The following CUL4B variants were observed in gnomAD, a reference collection of about 807,000 sequenced individuals.
CUL4B encodes cullin 4B, also known as cullin-4B.
In CUL4B, 1 loss-of-function variant was observed where a neutral mutation model predicts 69.2. The ratio of observed to expected loss-of-function variants is 0.01; its 90% CI spans 0.01 to 0.07. CUL4B has a LOEUF of 0.07. Among genes scored for constraint, CUL4B ranks in the 10% least tolerant of loss-of-function variants. CUL4B has a pLI of 1.00. For missense variants in CUL4B, 328 were observed against 638.8 expected (o/e 0.51, Z 5.24); for synonymous variants, 237 against 223.2 (o/e 1.06, Z -0.55).
At chrX:120,538,538 T>G (rs1923801777) in intron 13 of CUL4B, 122 bp downstream of exon 13, 1 of 542,738 alleles carries the variant, frequency 1.8e-6, no homozygotes, top group South Asian at 2.7e-5. Context: ...CTTGCTCAAT[T>G]TATGTTTTCA....
At position 120,538,033 on chromosome X, in the gene CUL4B, G is replaced by A. The variant is rs755952239; in HGVS notation, c.1938+91C>T. Reference sequence around the variant, plus strand: ...AGTTGCCATGAATTACAACAAACACGTTTCTATTTATCCTCTTTAGTACAA... The same window carrying A: ...AGTTGCCATGAATTACAACAAACACATTTCTATTTATCCTCTTTAGTACAA... On this transcript the variant is annotated intron_variant, in intron 14 of 19. Transcript: ENST00000371322. The A allele has an allele frequency of 2.5e-5, 16 of 638,565 alleles. No individual in the cohort carries two copies. In the South Asian group the frequency reaches 2.8e-4, roughly 11 times the overall value. The allele number at this position is 638,565 out of a possible 1,213,427, so 52.6% of individuals were successfully genotyped here.
chrX:120,540,261 C>A, intron 11 of CUL4B, 109 bp downstream of exon 11: 1 of 752,417 alleles, frequency 1.3e-6, no homozygotes, highest in Non-Finnish European at 2.0e-6. Context: ...TAAGCAACCT[C>A]AAACAAATCA....
chrX:120,541,317 T>A (rs1471406299), intron 10 of CUL4B, among the ~76,000 whole-genome samples: 2 of 111,845 alleles, frequency 1.8e-5, no homozygotes, highest in Admixed American at 1.9e-4. Flanking sequence ...CTGACCAACA[T>A]GGTGAAACCC....
Position 120,544,613 on chromosome X carries a change from A to G in CUL4B, c.951T>C (p.His317=). The G allele has an allele frequency of 4.1e-6, 5 of 1,209,246 alleles. No individual in the cohort carries two copies. The highest frequency in any genetic ancestry group is 5.6e-6 in the Non-Finnish European group (5 of 893,471). Residue 317 remains histidine, a synonymous_variant, in exon 6 of 20, where the codon CAT becomes CAC. Transcript: ENST00000371322. ...TCTGCACTTTCTGATCACTTATAAT[A>G]TGAGCCCTAAATAACTCCAGTCCCA... ...WDMGLELFRA[H]IISDQKVQNK...
chrX:120,574,240 C>G (rs1438953932), intron 2 of CUL4B, among the ~76,000 whole-genome samples: 1 of 107,848 alleles, frequency 9.3e-6, no homozygotes, highest in African/African-American at 3.4e-5. Flanking sequence ...GAGAGGGAGT[C>G]TCGATCTGTC....
intron 16 of CUL4B, 24 bp from the exon 17 acceptor site, chrX:120,534,610 A>G: frequency 9.7e-7 from 1 of 1,026,479 alleles, no homozygotes; most frequent in Non-Finnish European, 1.4e-6. Context: ...AAAAGTGTTT[A>G]GTCATCACTT....
At chrX:120,563,862 C>T (rs970233761), upstream of CUL4B, among the ~76,000 whole-genome samples, 2 of 112,266 alleles carry the variant, frequency 1.8e-5, no homozygotes, top group African/African-American at 6.5e-5. Context: ...GAGAAAGCTG[C>T]TTTTGCCATA....
chrX:120,558,427 T>C (rs1448201498), intron 1 of CUL4B, among the ~76,000 whole-genome samples: 2 of 112,057 alleles, frequency 1.8e-5, no homozygotes, highest in African/African-American at 3.2e-5. Flanking sequence ...AGGTACTTTA[T>C]AAGCCTCTTA....
intron 16 of CUL4B, among the ~76,000 whole-genome samples, chrX:120,535,188 C>T (rs1470263415): frequency 9.0e-6 from 1 of 110,579 alleles, no homozygotes; most frequent in Non-Finnish European, 1.9e-5. Flanking sequence ...GAGTGGGACC[C>T]TATCTCTAAA....
rs748606537 is a variant in CUL4B at position 120,525,844 on chromosome X, A to T, written c.*917T>A. The T allele has an allele frequency of 8.9e-6, 1 of 112,303 alleles. No homozygotes were observed. Among genetic ancestry groups the T allele is most frequent in the South Asian group, 3.6e-4 (1 of 2,762 alleles). 9.3% of individuals were successfully genotyped at this position (112,303 alleles called of 1,213,427 possible). A position where few individuals can be genotyped will look rare whatever the true frequency, so the allele number is the denominator to read the frequency against. ...AGTTGAAGACAAAACTGTCCAAACAACATTTAAAGTCTAAAGTATGTTGAA... is the reference window on the plus strand; with the variant it reads ...AGTTGAAGACAAAACTGTCCAAACATCATTTAAAGTCTAAAGTATGTTGAA... On this transcript the variant is annotated 3_prime_UTR_variant, in exon 20 of 20. Coordinates refer to ENST00000371322, the MANE Select transcript of CUL4B (RefSeq NM_001079872.2).
intron 4 of CUL4B, among the ~76,000 whole-genome samples, 158 bp from the exon 5 acceptor site, chrX:120,545,675 T>C (rs971419879): frequency 4.5e-5 from 5 of 111,533 alleles, no homozygotes; most frequent in Non-Finnish European, 9.4e-5. Flanking sequence ...AATATGCCCA[T>C]ATAGTTTTTA....
intron 4 of CUL4B, among the ~76,000 whole-genome samples, chrX:120,546,335 C>T (rs752667077): frequency 9.1e-6 from 1 of 109,545 alleles, no homozygotes; most frequent in East Asian, 2.9e-4. Flanking sequence ...AAGGAACTTA[C>T]TCATGTAACC....
Position 120,525,127 on chromosome X carries a change from T to C in CUL4B, c.*1634A>G, listed in dbSNP as rs1427226283. ...CTCAATAAGAATTACAAGTTCCGAA[T>C]ACCACATATAGTTAGACACCAGTGT... On this transcript the variant is annotated 3_prime_UTR_variant, in exon 20 of 20. Coordinates refer to ENST00000371322, the MANE Select transcript of CUL4B (RefSeq NM_001079872.2). 1 of 112,121 alleles carries C rather than the reference T, an allele frequency of 8.9e-6. No homozygotes were observed. Among genetic ancestry groups the C allele is most frequent in the African/African-American group, 3.2e-5 (1 of 30,809 alleles). 9.2% of individuals were successfully genotyped at this position (112,121 alleles called of 1,213,427 possible). A position where few individuals can be genotyped will look rare whatever the true frequency, so the allele number is the denominator to read the frequency against.
At chrX:120,559,960 CATTG>C (rs1925185348) in intron 1 of CUL4B, 119 bp downstream of exon 1, 2 of 1,175,741 alleles carry the variant, frequency 1.7e-6, no homozygotes, top group African/African-American at 3.6e-5. Context: ...CCCTCCACCT[CATTG>C]ATTATGCATA....
intron 2 of CUL4B, among the ~76,000 whole-genome samples, chrX:120,554,746 T>C (rs1924872694): frequency 8.9e-6 from 1 of 112,224 alleles, no homozygotes; most frequent in African/African-American, 3.2e-5. Context: ...TGGAGAACTT[T>C]TGTATAACTA....
Position 120,536,867 on chromosome X carries a change from G to T in CUL4B, c.2046+60C>A. 3 of 834,402 alleles carry T rather than the reference G, an allele frequency of 3.6e-6. No individual in the cohort carries two copies. The Admixed American group carries it at 6.7e-5, about 19-fold the overall frequency. The allele number at this position is 834,402 out of a possible 1,213,427, so 68.8% of individuals were successfully genotyped here. A position where few individuals can be genotyped will look rare whatever the true frequency, so the allele number is the denominator to read the frequency against. ...CTAAGTATCTATTTTTAAATGACAA[G>T]CAAAATGGAAATGCTATGATTTCTA... On this transcript the variant is annotated intron_variant, in intron 15 of 19. Coordinates refer to ENST00000371322, the MANE Select transcript of CUL4B (RefSeq NM_001079872.2).
chrX:120,534,087 T>C (rs1178394333), intron 17 of CUL4B, among the ~76,000 whole-genome samples: 2 of 108,782 alleles, frequency 1.8e-5, no homozygotes, highest in Non-Finnish European at 3.8e-5. Flanking sequence ...AAAAGAGTTC[T>C]GGCTGGCTGC....
chrX:120,530,820 G>C (rs973514603), intron 18 of CUL4B, among the ~76,000 whole-genome samples: 10 of 112,192 alleles, frequency 8.9e-5, no homozygotes, highest in African/African-American at 3.2e-4. Flanking sequence ...TTAGGAGGCG[G>C]TTTACCAATC....
intron 9 of CUL4B, among the ~76,000 whole-genome samples, chrX:120,541,950 C>CA (rs1368288143): frequency 9.1e-6 from 1 of 110,397 alleles, no homozygotes; most frequent in African/African-American, 3.3e-5. Context: ...AAAAACAGGC[C>CA]AGGCACGGTG....
Sources: gnomAD v4.1 joint callset for allele counts (sites outside exome capture counted in the v4.1 genomes callset) on GRCh38, gnomAD v4.1.1 for gene constraint, MANE v1.5 for transcripts, NCBI Gene and HGNC (gene_info 2026-07-23, HGNC 2026-07-21) for gene names.